The following RBFOX3 variants were observed in gnomAD, a reference collection of about 807,000 sequenced individuals.
RBFOX3 encodes the protein RNA binding protein fox-1 homolog 3.
A neutral mutation model predicts 48.7 loss-of-function variants in RBFOX3; 17 were observed. That is an observed-to-expected ratio of 0.35 (90% CI 0.24 to 0.52). The LOEUF is 0.52. RBFOX3 is among the 20% of genes least tolerant of loss of function. RBFOX3 has a pLI of 0.94. For missense variants in RBFOX3, 382 were observed against 497.5 expected (o/e 0.77, Z 2.21); for synonymous variants, 212 against 209.5 (o/e 1.01, Z -0.10).
chr17:79,469,869 C>T (rs2076841424), intron 2 of RBFOX3, among the ~76,000 whole-genome samples: 3 of 152,132 alleles, frequency 2.0e-5, no homozygotes, highest in African/African-American at 4.8e-5. Flanking sequence ...CAGGGGAGAA[C>T]GTGCACAAGG....
At chr17:79,096,982 G>C in intron 11 of RBFOX3, 149 bp from the exon 12 acceptor site, 1 of 598,780 alleles carries the variant, frequency 1.7e-6, no homozygotes, top group Non-Finnish European at 3.0e-6. Context: ...AATGGGAGCA[G>C]AGAGGGCTCA....
At position 79,457,330 on chromosome 17, in the gene RBFOX3, T is replaced by C. The variant is rs35382293; in HGVS notation, c.-175+25124A>G. On this transcript the variant is annotated intron_variant, in intron 2 of 14. Transcript: ENST00000693108. ...GGAATCAATAGCTCTCACCATGTGG[T>C]GTGTGCCATCACTCCTCACTGGGGT... Among the ~76,000 whole-genome samples the C allele has an allele frequency of 8.0e-3, 1,225 of 152,290 alleles. 7 individuals are homozygous for C. The highest frequency in any genetic ancestry group is 0.012 in the Non-Finnish European group (848 of 68,010).
upstream of RBFOX3, among the ~76,000 whole-genome samples, chr17:79,615,696 G>A (rs895649847): frequency 0.014 from 2,096 of 152,140 alleles, 43 homozygotes; most frequent in African/African-American, 0.047. Context: ...CCCTCATTTC[G>A]CCCCATGGAA....
chr17:79,275,017 G>A (rs1447990972), intron 3 of RBFOX3, among the ~76,000 whole-genome samples: 1 of 116,632 alleles, frequency 8.6e-6, no homozygotes, highest in Admixed American at 1.1e-4. Flanking sequence ...CAGCCCCAGA[G>A]CTAGGAGCCA....
intron 1 of RBFOX3, among the ~76,000 whole-genome samples, chr17:79,510,913 TAGGGAGAAGGAG>T (rs1168088511): frequency 6.6e-6 from 1 of 151,816 alleles, no homozygotes; most frequent in Non-Finnish European, 1.5e-5. Context: ...AGCAGCATCC[TAGGGAGAAGGAG>T]AGGGAGATGG....
the RBFOX3 span, among the ~76,000 whole-genome samples, chr17:79,647,655 C>G: frequency 6.6e-6 from 1 of 152,188 alleles, no homozygotes; most frequent in Non-Finnish European, 1.5e-5. Context: ...ACATGCCACA[C>G]AGAGCACCCC....
rs543918478 is a variant in RBFOX3, at chr17:79,429,475, G to GC, written c.-175+52978_-175+52979insG. Reference sequence around the variant, plus strand: ...GTGAGTCCAGCAGGCTGGGCAGGAGGAGGGAGGCCATGCCGTGGACTGGGC... The same window carrying GC: ...GTGAGTCCAGCAGGCTGGGCAGGAGGCAGGGAGGCCATGCCGTGGACTGGGC... On this transcript the variant is annotated intron_variant, in intron 2 of 14. Transcript: ENST00000693108. Among the ~76,000 whole-genome samples, 174 of 152,310 alleles carry GC rather than the reference G, an allele frequency of 1.1e-3. 1 individual carries two copies. The highest frequency in any genetic ancestry group is 3.9e-3 in the African/African-American group (164 of 41,574).
intron 1 of RBFOX3, among the ~76,000 whole-genome samples, chr17:79,512,089 C>G (rs1231495775): frequency 7.6e-6 from 1 of 130,740 alleles, no homozygotes; most frequent in Non-Finnish European, 1.6e-5. Context: ...ATATTACCAT[C>G]GAGTACAGCC....
chr17:79,644,003 A>C, the RBFOX3 span, among the ~76,000 whole-genome samples: 2 of 152,172 alleles, frequency 1.3e-5, no homozygotes, highest in African/African-American at 4.8e-5. Context: ...CAATAAAAAA[A>C]GAGAAAACAC....
At chr17:79,414,480 CG>C (rs1187870245) in intron 2 of RBFOX3, among the ~76,000 whole-genome samples, 6 of 152,180 alleles carry the variant, frequency 3.9e-5, no homozygotes, top group Non-Finnish European at 8.8e-5. Flanking sequence ...TGCGGCGGGA[CG>C]GTGCCCCGTG....
chr17:79,131,804 C>T (rs984749264), intron 4 of RBFOX3, among the ~76,000 whole-genome samples: 2 of 152,264 alleles, frequency 1.3e-5, no homozygotes, highest in South Asian at 4.2e-4. Context: ...TGAGAGATGG[C>T]CCCGAATCCT....
chr17:79,564,610 A>G (rs964584471), intron 1 of RBFOX3, among the ~76,000 whole-genome samples: 18 of 152,228 alleles, frequency 1.2e-4, no homozygotes, highest in Non-Finnish European at 2.6e-4. Context: ...ATTTATGTAC[A>G]AGGAAGTTAA....
intron 9 of RBFOX3, among the ~76,000 whole-genome samples, chr17:79,101,343 A>G (rs772833101): frequency 6.9e-4 from 105 of 152,092 alleles, no homozygotes; most frequent in Non-Finnish European, 1.3e-3. Flanking sequence ...GGAAAGTGAG[A>G]CTCCAGCTAT....
intron 2 of RBFOX3, among the ~76,000 whole-genome samples, chr17:79,410,241 T>C (rs1568199937): frequency 6.6e-6 from 1 of 152,216 alleles, no homozygotes; most frequent in Non-Finnish European, 1.5e-5. Flanking sequence ...CAGTTTCCTC[T>C]GGGACATAGG....
rs990862814 is a variant in RBFOX3 at position 79,365,891 on chromosome 17, C to T, written c.-174-58067G>A. Among the ~76,000 whole-genome samples, 28 of 152,216 alleles carry T rather than the reference C, an allele frequency of 1.8e-4. 1 individual carries two copies. The highest frequency in any genetic ancestry group is 4.1e-4 in the South Asian group (2 of 4,836). On this transcript the variant is annotated intron_variant, in intron 2 of 14. Coordinates refer to ENST00000693108, the MANE Select transcript of RBFOX3 (RefSeq NM_001350451.2). ...CACAGCGGCCACACCTCTGGGTGCCCGGTAACCATGGAGATGGCAGCCCTT... is the reference window on the plus strand; with the variant it reads ...CACAGCGGCCACACCTCTGGGTGCCTGGTAACCATGGAGATGGCAGCCCTT...
chr17:79,097,558 C>CA (rs1425240309), intron 10 of RBFOX3, 134 bp from the exon 11 acceptor site: 3 of 1,368,902 alleles, frequency 2.2e-6, no homozygotes, highest in Middle Eastern at 5.3e-4. Context: ...GAGCGCTACT[C>CA]AGTCAACACG....
At chr17:79,105,320 C>A (rs373865280) in intron 6 of RBFOX3, among the ~76,000 whole-genome samples, 75 of 152,240 alleles carry the variant, frequency 4.9e-4, no homozygotes, top group African/African-American at 1.5e-3. Flanking sequence ...GCGGATGGTG[C>A]CCCTGTCCTG....
chr17:79,186,470 T>C (rs1469043795), intron 4 of RBFOX3, among the ~76,000 whole-genome samples: 3 of 152,108 alleles, frequency 2.0e-5, no homozygotes, highest in Admixed American at 6.5e-5. Flanking sequence ...CTCCAGTACC[T>C]GGCACCAGGG....
intron 1 of RBFOX3, among the ~76,000 whole-genome samples, chr17:79,567,421 G>C (rs2092505847): frequency 6.6e-6 from 1 of 152,036 alleles, no homozygotes; most frequent in Non-Finnish European, 1.5e-5. Context: ...CTGACCTTAA[G>C]TGATCTGCCC....
Sources: gnomAD v4.1 joint callset for allele counts (sites outside exome capture counted in the v4.1 genomes callset) on GRCh38, gnomAD v4.1.1 for gene constraint, MANE v1.5 for transcripts, NCBI Gene and HGNC (gene_info 2026-07-23, HGNC 2026-07-21) for gene names.